The following FHIT variants were observed in gnomAD, a reference collection of about 807,000 sequenced individuals.
The protein encoded by FHIT is fragile histidine triad diadenosine triphosphatase, also known as bis(5'-adenosyl)-triphosphatase.
FHIT carries 19 observed loss-of-function variants against 17.9 expected under a neutral mutation model. That is an observed-to-expected ratio of 1.06 (90% CI 0.74 to 1.56). The LOEUF (loss-of-function observed/expected upper bound fraction) is 1.56, where lower values mean the gene tolerates loss of function less well. Among genes scored for constraint, FHIT ranks in the 40% most tolerant of loss-of-function variants. The pLI is 0.00. For synonymous variants in FHIT, 81 were observed against 69.7 expected, an observed-to-expected ratio of 1.16 and a Z score of -0.81; for missense variants, 248 against 189.2, an observed-to-expected ratio of 1.31 and a Z score of -1.82.
At chr3:61,014,807 A>AAAAATATAT (rs1553798839) in intron 3 of FHIT, among the ~76,000 whole-genome samples, 28 of 49,096 alleles carry the variant, frequency 5.7e-4, no homozygotes, top group African/African-American at 1.4e-3. Context: ...AAAAAAAAAA[A>AAAAATATAT]ATATATATAT....
intron 4 of FHIT, among the ~76,000 whole-genome samples, chr3:60,700,841 T>G (rs2041228823): frequency 6.6e-6 from 1 of 152,186 alleles, no homozygotes; most frequent in South Asian, 2.1e-4. Context: ...GAGTTGCATG[T>G]CTCTTGGTCA....
At chr3:60,125,245 G>C (rs532739474) in intron 5 of FHIT, among the ~76,000 whole-genome samples, 2 of 152,314 alleles carry the variant, frequency 1.3e-5, no homozygotes, top group Admixed American at 6.5e-5. Context: ...CTTTGGACAA[G>C]TCTGTTAACC....
chr3:59,978,637 G>A lies in FHIT; in HGVS notation c.279+32734C>T, dbSNP rs566016866. 2.7e-5 allele frequency among the ~76,000 whole-genome samples: 4 copies of A among 150,922 alleles called. No homozygotes were observed. The South Asian group carries it at 8.5e-4, about 32-fold the overall frequency. On this transcript the variant is annotated intron_variant, in intron 7 of 9. Transcript: ENST00000492590. Reference sequence around the variant, plus strand: ...AGAAACAACGGGGCTTTGGGGAGCTGCTGAGGAGGGACACTTTGCAACCTC... The same window carrying A: ...AGAAACAACGGGGCTTTGGGGAGCTACTGAGGAGGGACACTTTGCAACCTC...
At chr3:60,214,673 C>G (rs1559733820) in intron 5 of FHIT, among the ~76,000 whole-genome samples, 1 of 152,068 alleles carries the variant, frequency 6.6e-6, no homozygotes, top group Non-Finnish European at 1.5e-5. Context: ...GGTATATAAC[C>G]AAAGGAAAAT....
chr3:61,017,891 T>C (rs2032202525), intron 3 of FHIT, among the ~76,000 whole-genome samples: 1 of 152,038 alleles, frequency 6.6e-6, no homozygotes, highest in South Asian at 2.1e-4. Flanking sequence ...CTGGAAAAGA[T>C]GGTAACAAAT....
At chr3:60,044,313 C>T (rs1016395510) in intron 5 of FHIT, among the ~76,000 whole-genome samples, 1 of 152,134 alleles carries the variant, frequency 6.6e-6, no homozygotes, top group African/African-American at 2.4e-5. Context: ...TTAACCGTTA[C>T]CCATTAGTAA....
At chr3:60,162,522 T>C (rs1446435914) in intron 5 of FHIT, among the ~76,000 whole-genome samples, 7 of 152,230 alleles carry the variant, frequency 4.6e-5, no homozygotes, top group East Asian at 1.9e-4. Context: ...GGGATCATAG[T>C]AGTGGGGCAT....
chr3:60,057,645 T>C (rs1156900483), intron 5 of FHIT, among the ~76,000 whole-genome samples: 5 of 152,088 alleles, frequency 3.3e-5, no homozygotes, highest in African/African-American at 1.2e-4. Flanking sequence ...GAAGTTTATA[T>C]TTGTTTTAAC....
intron 5 of FHIT, among the ~76,000 whole-genome samples, chr3:60,041,745 A>G (rs975837953): frequency 3.3e-5 from 5 of 152,220 alleles, no homozygotes; most frequent in African/African-American, 1.2e-4. Context: ...GTTTTCTGTC[A>G]TACCTTCATA....
intron 5 of FHIT, among the ~76,000 whole-genome samples, chr3:60,396,077 A>G (rs1173724098): frequency 1.3e-5 from 2 of 152,006 alleles, no homozygotes; most frequent in East Asian, 3.9e-4. Flanking sequence ...CTGATACCGC[A>G]CTTGCTACCC....
Position 61,156,285 on chromosome 3 carries a change from G to A in FHIT, c.-164+44332C>T, listed in dbSNP as rs2037531359. On this transcript the variant is annotated intron_variant, in intron 2 of 9. Transcript: ENST00000492590. ...TAGCAAATCATTGAACCTGGTAATG[G>A]TCTTGGAACCCCTAACTCATATACC... Among the ~76,000 whole-genome samples the A allele has an allele frequency of 2.0e-5, 3 of 152,024 alleles. No individual in the cohort carries two copies. In the South Asian group the frequency reaches 6.2e-4, roughly 32 times the overall value.
At chr3:60,439,767 A>G (rs748834680) in intron 5 of FHIT, among the ~76,000 whole-genome samples, 1 of 152,114 alleles carries the variant, frequency 6.6e-6, no homozygotes, top group African/African-American at 2.4e-5. Flanking sequence ...GTGCAGGCAT[A>G]TATCATTTTA....
At chr3:60,794,764 A>G (rs13093744) in intron 4 of FHIT, among the ~76,000 whole-genome samples, 41,062 of 152,088 alleles carry the variant, frequency 0.27, 5,974 homozygotes, top group Middle Eastern at 0.34. Flanking sequence ...ATAGTTTTCT[A>G]TTCTGTGCTG....
At chr3:61,046,990 T>A (rs909780715) in intron 2 of FHIT, among the ~76,000 whole-genome samples, 5 of 152,142 alleles carry the variant, frequency 3.3e-5, no homozygotes, top group Admixed American at 2.6e-4. Flanking sequence ...ATGGGATGTA[T>A]CTCAAAATAA....
chr3:60,548,473 C>T (rs2036442497), intron 4 of FHIT, among the ~76,000 whole-genome samples: 2 of 152,166 alleles, frequency 1.3e-5, no homozygotes, highest in African/African-American at 4.8e-5. Flanking sequence ...AGCAAATGCA[C>T]CTAAGAAACC....
intron 4 of FHIT, among the ~76,000 whole-genome samples, chr3:60,798,204 A>G (rs573246920): frequency 1.3e-5 from 2 of 152,298 alleles, no homozygotes; most frequent in East Asian, 3.9e-4. Flanking sequence ...TTAGATCATA[A>G]CTGCCAATAG....
intron 4 of FHIT, among the ~76,000 whole-genome samples, chr3:60,644,374 T>C (rs1337706214): frequency 6.6e-6 from 1 of 152,204 alleles, no homozygotes; most frequent in African/African-American, 2.4e-5. Flanking sequence ...ATTGAAAATT[T>C]GAAATTGATT....
At chr3:60,635,024 C>A (rs1340986867) in intron 4 of FHIT, among the ~76,000 whole-genome samples, 1 of 152,160 alleles carries the variant, frequency 6.6e-6, no homozygotes, top group Non-Finnish European at 1.5e-5. Flanking sequence ...GCATGCCCCA[C>A]TGCGCCCAGC....
intron 4 of FHIT, among the ~76,000 whole-genome samples, chr3:60,755,028 G>A (rs2042545069): frequency 6.6e-6 from 1 of 152,130 alleles, no homozygotes; most frequent in South Asian, 2.1e-4. Context: ...TATTATTAGA[G>A]AAAAACCTGG....
Sources: allele counts gnomAD v4.1 joint callset (sites outside exome capture counted in the v4.1 genomes callset), GRCh38; gene constraint gnomAD v4.1.1; transcripts MANE v1.5; gene names NCBI Gene and HGNC (gene_info 2026-07-23, HGNC 2026-07-21).